Variants in TSNARE1 observed in about 807,000 individuals in gnomAD.
The protein encoded by TSNARE1 is t-SNARE domain containing 1, also known as t-SNARE domain-containing protein 1.
TSNARE1 carries 49 observed loss-of-function variants against 62.0 expected under a neutral mutation model. The observed-to-expected ratio is 0.79, with a 90% CI of 0.63 to 1.00. TSNARE1 has a LOEUF of 1.00. Ranked by LOEUF, TSNARE1 falls within the 50% of genes least tolerant of loss-of-function variation. The probability of loss-of-function intolerance (pLI) is 0.00; values close to 1 mark genes in which losing one functional copy is unlikely to be tolerated. For synonymous variants in TSNARE1, 328 were observed against 294.4 expected (o/e 1.11, Z -1.17); for missense variants, 755 against 700.1 (o/e 1.08, Z -0.88).
intron 7 of TSNARE1, among the ~76,000 whole-genome samples, chr8:142,318,316 G>C (rs1000844096): frequency 3.3e-5 from 5 of 152,230 alleles, no homozygotes; most frequent in African/African-American, 1.2e-4. Flanking sequence ...CAAGAGTTCA[G>C]GTGGCCACAC....
intron 2 of TSNARE1, among the ~76,000 whole-genome samples, chr8:142,352,310 C>T (rs1032028197): frequency 3.3e-5 from 5 of 152,244 alleles, no homozygotes; most frequent in African/African-American, 1.2e-4. Context: ...ATCAGAGAAA[C>T]ATCCTTCCAA....
chr8:142,260,399 G>A (rs1291981817), intron 12 of TSNARE1, among the ~76,000 whole-genome samples: 1 of 152,166 alleles, frequency 6.6e-6, no homozygotes, highest in Non-Finnish European at 1.5e-5. Context: ...GCCGGGTCTG[G>A]CAGCCCACTC....
chr8:142,405,025 G>C (rs950390355), upstream of TSNARE1: 2 of 152,254 alleles, frequency 1.3e-5, no homozygotes, highest in African/African-American at 4.8e-5. Context: ...GCGTGGGTAG[G>C]AACCACCAGA....
intron 12 of TSNARE1, among the ~76,000 whole-genome samples, chr8:142,234,324 C>T (rs1025275446): frequency 8.0e-5 from 12 of 150,014 alleles, no homozygotes; most frequent in Admixed American, 1.3e-4. Context: ...TCCAAGATGG[C>T]GCCATGACCC....
chr8:142,269,890 C>T, intron 12 of TSNARE1: 5 of 985,472 alleles, frequency 5.1e-6, no homozygotes, highest in Non-Finnish European at 6.0e-6. Flanking sequence ...AGACAAGTTA[C>T]TGACACATTG....
chr8:142,331,113 G>A (rs1375400019), intron 5 of TSNARE1, 143 bp from the exon 6 acceptor site: 1 of 677,178 alleles, frequency 1.5e-6, no homozygotes, highest in Non-Finnish European at 2.5e-6. Flanking sequence ...CCACCTAAGT[G>A]GCCTGGAGGC....
At chr8:142,339,532 C>T (rs986266908) in intron 4 of TSNARE1, among the ~76,000 whole-genome samples, 5 of 152,162 alleles carry the variant, frequency 3.3e-5, no homozygotes, top group African/African-American at 7.2e-5. Flanking sequence ...TCCCACAGGG[C>T]GCTAAGAAAC....
At chr8:142,274,465 A>G (rs1820093323) in intron 12 of TSNARE1, 2 of 985,484 alleles carry the variant, frequency 2.0e-6, no homozygotes, top group Non-Finnish European at 2.4e-6. Flanking sequence ...CATCTGGCAC[A>G]GGAGGTGGAG....
intron 1 of TSNARE1, among the ~76,000 whole-genome samples, chr8:142,381,626 G>C (rs780871974): frequency 1.3e-5 from 2 of 152,216 alleles, no homozygotes; most frequent in Non-Finnish European, 2.9e-5. Context: ...AGTGAGGCAG[G>C]AGAAGGGCAG....
chr8:142,399,394 G>A (rs573812273), intron 1 of TSNARE1, among the ~76,000 whole-genome samples: 4 of 152,310 alleles, frequency 2.6e-5, no homozygotes, highest in Admixed American at 6.5e-5. Context: ...ACAGCTCCCC[G>A]CGGGTGGGGT....
chr8:142,300,595 T>A lies in TSNARE1; in HGVS notation c.1181A>T (p.Asn394Ile). The A allele has an allele frequency of 6.2e-7, 1 of 1,613,658 alleles. No homozygotes were observed. Among genetic ancestry groups the A allele is most frequent in the Non-Finnish European group, 8.5e-7 (1 of 1,179,990 alleles). ...AELADDEKVFNGSDNMWQGQE... is the reference protein window; with the variant it reads ...AELADDEKVFIGSDNMWQGQE... Reference sequence around the variant, plus strand: ...GCCCTGCCACATGTTGTCACTCCCGTTAAAGACCTTCTCATCATCAGCCAG... The same window carrying A: ...GCCCTGCCACATGTTGTCACTCCCGATAAAGACCTTCTCATCATCAGCCAG... The change falls in exon 10 of 14, where the codon AAC becomes ATC. Residue 394 changes from asparagine (N) to isoleucine (I), a missense_variant. Coordinates refer to ENST00000524325, the MANE Select transcript of TSNARE1 (RefSeq NM_145003.5).
intron 1 of TSNARE1, among the ~76,000 whole-genome samples, chr8:142,389,314 A>G (rs1837318965): frequency 6.6e-6 from 1 of 152,228 alleles, no homozygotes; most frequent in African/African-American, 2.4e-5. Flanking sequence ...AAGGGAGCAA[A>G]AGCTCCACAA....
intron 10 of TSNARE1, among the ~76,000 whole-genome samples, chr8:142,292,229 C>T (rs1366740257): frequency 6.6e-6 from 1 of 152,146 alleles, no homozygotes; most frequent in Non-Finnish European, 1.5e-5. Context: ...CTTGGCTCTC[C>T]GAGCTAGTGG....
At position 142,275,640 on chromosome 8, in the gene TSNARE1, C is replaced by T. The variant is rs560656371; in HGVS notation, c.1364-777G>A. The T allele has an allele frequency of 1.4e-5, 14 of 985,430 alleles. No individual in the cohort carries two copies. In the East Asian group the frequency reaches 4.5e-4, roughly 32 times the overall value. The allele number at this position is 985,430 out of a possible 1,614,324, so 61.0% of individuals were successfully genotyped here. A position where few individuals can be genotyped will look rare whatever the true frequency, so the allele number is the denominator to read the frequency against. The stretch of plus-strand genomic sequence containing the variant: ...ATGCAAACACGAGCAAACACGAGCA[C>T]GGGCAAGCCTTCTTCCCGGAGGGAG... On this transcript the variant is annotated intron_variant, in intron 11 of 13. Transcript: ENST00000524325.
chr8:142,227,197 C>T lies in TSNARE1; in HGVS notation c.*11+2276G>A, dbSNP rs1013512911. ...CCCACACCCCAGTGACAGTGAGGACCTCCACTGCATCCACAACCCTAGTGA... is the reference window on the plus strand; with the variant it reads ...CCCACACCCCAGTGACAGTGAGGACTTCCACTGCATCCACAACCCTAGTGA... On this transcript the variant is annotated intron_variant, in intron 13 of 13. Transcript: ENST00000524325. 2.0e-5 allele frequency among the ~76,000 whole-genome samples: 3 copies of T among 150,904 alleles called. No homozygotes were observed. The South Asian group carries it at 6.3e-4, about 32-fold the overall frequency.
At chr8:142,339,359 C>T (rs897747881) in intron 4 of TSNARE1, among the ~76,000 whole-genome samples, 2 of 152,046 alleles carry the variant, frequency 1.3e-5, no homozygotes, top group Admixed American at 6.5e-5. Context: ...CTGGCCCAGG[C>T]GACCACAGAG....
intron 1 of TSNARE1, among the ~76,000 whole-genome samples, chr8:142,364,784 A>C (rs1299937241): frequency 1.3e-5 from 2 of 152,226 alleles, no homozygotes; most frequent in Non-Finnish European, 2.9e-5. Flanking sequence ...TAATGATAAG[A>C]ATTGTGTAAT....
chr8:142,249,986 G>C (rs796719989), intron 12 of TSNARE1, among the ~76,000 whole-genome samples: 4 of 152,326 alleles, frequency 2.6e-5, no homozygotes, highest in African/African-American at 9.6e-5. Flanking sequence ...GGGGAGTGGG[G>C]GCCGGGGGAT....
intron 12 of TSNARE1, among the ~76,000 whole-genome samples, chr8:142,244,523 C>T (rs1817797017): frequency 1.3e-5 from 2 of 152,188 alleles, no homozygotes; most frequent in Admixed American, 6.5e-5. Context: ...GACTCACCAT[C>T]GTGAGGATAA....
Sources: allele counts gnomAD v4.1 joint callset (sites outside exome capture counted in the v4.1 genomes callset), GRCh38; gene constraint gnomAD v4.1.1; transcripts MANE v1.5; gene names NCBI Gene and HGNC (gene_info 2026-07-23, HGNC 2026-07-21).